Variants in ANKRD29 observed in about 807,000 individuals in gnomAD.
ANKRD29 encodes the protein ankyrin repeat domain 29, also known as ankyrin repeat domain-containing protein 29.
Under a neutral mutation model 38.0 loss-of-function variants are expected in ANKRD29, and 32 were observed. The observed-to-expected ratio is 0.84, with a 90% confidence interval of 0.64 to 1.13. The LOEUF (loss-of-function observed/expected upper bound fraction) is 1.13. Among genes scored for constraint, ANKRD29 ranks in the 50% most tolerant of loss-of-function variants. The pLI is 0.00. For missense variants in ANKRD29, 357 were observed against 377.9 expected, an observed-to-expected ratio of 0.94 and a Z score of 0.46; for synonymous variants, 135 against 152.4, an observed-to-expected ratio of 0.89 and a Z score of 0.84.
chr18:23,605,562 C>T (rs756023333), intron 9 of ANKRD29, among the ~76,000 whole-genome samples: 60 of 149,150 alleles, frequency 4.0e-4, no homozygotes, highest in Admixed American at 1.4e-3. Flanking sequence ...AGTCTCGCTC[C>T]GTCACCCAGG....
intron 9 of ANKRD29, 27 bp downstream of exon 9, chr18:23,612,065 C>T (rs577751381): frequency 9.3e-5 from 150 of 1,605,324 alleles, no homozygotes; most frequent in Non-Finnish European, 1.1e-4. Flanking sequence ...TGGGCCCAAA[C>T]GAGTTAAAAG....
intron 9 of ANKRD29, among the ~76,000 whole-genome samples, chr18:23,609,951 A>C (rs1568006870): frequency 6.6e-6 from 1 of 152,236 alleles, no homozygotes; most frequent in African/African-American, 2.4e-5. Context: ...ATACTTCTAC[A>C]TGCTGAGTCA....
chr18:23,607,654 T>C (rs1211806443), intron 9 of ANKRD29, among the ~76,000 whole-genome samples: 2 of 152,182 alleles, frequency 1.3e-5, no homozygotes, highest in African/African-American at 4.8e-5. Flanking sequence ...AATCCTGGTT[T>C]AATTGCTCTT....
chr18:23,623,684 C>T lies in ANKRD29; in HGVS notation c.529-4055G>A, dbSNP rs540591668. On this transcript the variant is annotated intron_variant, in intron 6 of 9. Coordinates refer to ENST00000592179, the MANE Select transcript of ANKRD29 (RefSeq NM_173505.4). Reference sequence around the variant, plus strand: ...TTGAGACGGAGTCTTGCTCTGTCGCCCAGGCTGGAGTGCAGTGGCACAATC... The same window carrying T: ...TTGAGACGGAGTCTTGCTCTGTCGCTCAGGCTGGAGTGCAGTGGCACAATC... Among the ~76,000 whole-genome samples, 15 of 152,066 alleles carry T rather than the reference C, an allele frequency of 9.9e-5. No individual in the cohort carries two copies. The East Asian group carries it at 2.9e-3, about 29-fold the overall frequency.
intron 6 of ANKRD29, among the ~76,000 whole-genome samples, chr18:23,623,932 C>T (rs765009842): frequency 2.0e-5 from 3 of 151,564 alleles, no homozygotes; most frequent in South Asian, 2.1e-4. Context: ...TGTTAGCCAC[C>T]GCGTCTGGCG....
At chr18:23,655,022 T>C (rs748489280) in intron 1 of ANKRD29, among the ~76,000 whole-genome samples, 1 of 152,166 alleles carries the variant, frequency 6.6e-6, no homozygotes, top group Non-Finnish European at 1.5e-5. Flanking sequence ...AGAGGTGACA[T>C]AAAATAAAGA....
chr18:23,627,079 C>T (rs1432605638), intron 6 of ANKRD29, among the ~76,000 whole-genome samples: 1 of 152,166 alleles, frequency 6.6e-6, no homozygotes, highest in African/African-American at 2.4e-5. Context: ...AGGCATGGCA[C>T]TGTTTTCTTG....
intron 5 of ANKRD29, among the ~76,000 whole-genome samples, chr18:23,632,508 C>T (rs1217437768): frequency 1.6e-5 from 2 of 126,062 alleles, no homozygotes; most frequent in Non-Finnish European, 1.6e-5. Flanking sequence ...TTGGCTTTTC[C>T]TATTCAGTGT....
intron 1 of ANKRD29, among the ~76,000 whole-genome samples, chr18:23,656,730 A>G (rs969933031): frequency 1.3e-5 from 2 of 152,206 alleles, no homozygotes; most frequent in South Asian, 2.1e-4. Context: ...AAATTTTACA[A>G]TAAAAGGTCT....
In ANKRD29 at chr18:23,624,134, A is replaced by G. The variant is rs572490438; in HGVS notation, c.529-4505T>C. Among the ~76,000 whole-genome samples the G allele has an allele frequency of 3.3e-4, 50 of 152,174 alleles. 2 individuals are homozygous for G. The highest frequency in any genetic ancestry group is 1.1e-3 in the African/African-American group (46 of 41,516). On this transcript the variant is annotated intron_variant, in intron 6 of 9. Transcript: ENST00000592179. The stretch of plus-strand genomic sequence containing the variant: ...TTAATACTTTGATATTAAATCAAAG[A>G]AATCATTGTGAAGTTATAACCTCTA...
intron 1 of ANKRD29, among the ~76,000 whole-genome samples, chr18:23,659,416 T>C (rs898681082): frequency 6.6e-6 from 1 of 152,222 alleles, no homozygotes; most frequent in Non-Finnish European, 1.5e-5. Flanking sequence ...ATATTCCTAG[T>C]AGTGAAATTG....
chr18:23,604,167 G>A (rs908733818), intron 9 of ANKRD29, among the ~76,000 whole-genome samples: 1 of 152,044 alleles, frequency 6.6e-6, no homozygotes, highest in Non-Finnish European at 1.5e-5. Flanking sequence ...CCTAGTTTTG[G>A]GAATGCCTCT....
intron 1 of ANKRD29, among the ~76,000 whole-genome samples, chr18:23,652,254 A>C (rs2060219189): frequency 6.6e-6 from 1 of 152,164 alleles, no homozygotes. Flanking sequence ...TTCTGCATAC[A>C]CTAGCTTATT....
chr18:23,620,702 A>G (rs1026658205), intron 6 of ANKRD29, among the ~76,000 whole-genome samples: 5 of 152,176 alleles, frequency 3.3e-5, no homozygotes, highest in African/African-American at 4.8e-5. Context: ...AAACCAGGAA[A>G]GTTACAAGCC....
intron 6 of ANKRD29, among the ~76,000 whole-genome samples, chr18:23,622,013 G>C (rs1323127379): frequency 6.6e-6 from 1 of 152,008 alleles, no homozygotes; most frequent in East Asian, 1.9e-4. Context: ...ATAAGTCCTG[G>C]AGAAGAGACA....
intron 4 of ANKRD29, among the ~76,000 whole-genome samples, chr18:23,635,260 C>A (rs1251531194): frequency 6.8e-6 from 1 of 147,650 alleles, no homozygotes; most frequent in East Asian, 2.0e-4. Flanking sequence ...CAGAGCGAGA[C>A]ACTGTGTCAA....
At chr18:23,617,867 A>G (rs764745051) in intron 7 of ANKRD29, 40 bp from the exon 8 acceptor site, 3 of 1,550,850 alleles carry the variant, frequency 1.9e-6, no homozygotes, top group Non-Finnish European at 2.7e-6. Flanking sequence ...TTATTAACAT[A>G]TATCTGTGTT....
intron 2 of ANKRD29, chr18:23,647,379 ATGTTAGGCTGT>A (rs1391247735): frequency 1.3e-5 from 2 of 152,226 alleles, no homozygotes; most frequent in East Asian, 3.8e-4. Context: ...CGATAATTCA[ATGTTAGGCTGT>A]CATCTGGCTT....
rs535296688 is a variant in ANKRD29 at position 23,645,208 on chromosome 18, C to T, written c.231+981G>A. Among the ~76,000 whole-genome samples, 147 of 152,270 alleles carry T rather than the reference C, an allele frequency of 9.7e-4. 3 individuals carry two copies. The South Asian group carries it at 0.021, about 21-fold the overall frequency. On this transcript the variant is annotated intron_variant, in intron 3 of 9. Coordinates refer to ENST00000592179, the MANE Select transcript of ANKRD29 (RefSeq NM_173505.4). ...AGATACACTCTAGGGGTGACCTGAG[C>T]GTGTGTCTCCATAAAGATTAGTTTA... is the stretch of plus-strand genomic sequence containing the variant.
Sources: gnomAD v4.1 joint callset for allele counts (sites outside exome capture counted in the v4.1 genomes callset) on GRCh38, gnomAD v4.1.1 for gene constraint, MANE v1.5 for transcripts, NCBI Gene and HGNC (gene_info 2026-07-23, HGNC 2026-07-21) for gene names.